CNTN5: variants seen among roughly 807,000 people sequenced by gnomAD.
CNTN5 encodes the protein contactin 5.
A neutral mutation model predicts 129.1 loss-of-function variants in CNTN5; 77 were observed. The observed-to-expected ratio is 0.60, with a 90% CI of 0.50 to 0.72. The LOEUF (loss-of-function observed/expected upper bound fraction) is 0.72. Among genes scored for constraint, CNTN5 ranks in the 30% least tolerant of loss-of-function variants. The pLI, the probability that CNTN5 is intolerant of heterozygous loss-of-function variation, is 0.00. For missense variants in CNTN5, 1,478 were observed against 1,328.8 expected, an observed-to-expected ratio of 1.11 and a Z score of -1.75; for synonymous variants, 509 against 465.6, an observed-to-expected ratio of 1.09 and a Z score of -1.20.
intron 2 of CNTN5, among the ~76,000 whole-genome samples, chr11:99,392,798 G>GA (rs893515528): frequency 6.6e-6 from 1 of 151,788 alleles, no homozygotes; most frequent in Non-Finnish European, 1.5e-5. Flanking sequence ...AAATAGTAAA[G>GA]AAAGAATAAA....
intron 2 of CNTN5, among the ~76,000 whole-genome samples, chr11:99,532,168 C>T (rs1448685732): frequency 1.3e-5 from 2 of 152,166 alleles, no homozygotes; most frequent in African/African-American, 2.4e-5. Context: ...CAATACACCT[C>T]TTGCATCAGC....
intron 18 of CNTN5, among the ~76,000 whole-genome samples, chr11:100,286,981 T>G (rs1486523032): frequency 1.3e-5 from 2 of 152,064 alleles, no homozygotes; most frequent in Non-Finnish European, 2.9e-5. Context: ...GGAGCCGATG[T>G]GATCAACTGG....
chr11:99,124,569 G>C (rs1858523138), intron 1 of CNTN5, among the ~76,000 whole-genome samples: 1 of 151,890 alleles, frequency 6.6e-6, no homozygotes, highest in African/African-American at 2.4e-5. Flanking sequence ...AGAGAAATAA[G>C]GGCAAACCAA....
At chr11:99,446,127 A>C (rs942601011) in intron 2 of CNTN5, among the ~76,000 whole-genome samples, 1 of 150,070 alleles carries the variant, frequency 6.7e-6, no homozygotes, top group African/African-American at 2.4e-5. Context: ...GGATTTGTAG[A>C]ATCCTCATCC....
intron 21 of CNTN5, among the ~76,000 whole-genome samples, chr11:100,314,311 A>G (rs1334673610): frequency 6.6e-6 from 1 of 152,158 alleles, no homozygotes; most frequent in Non-Finnish European, 1.5e-5. Flanking sequence ...ATAATTAGCC[A>G]CTGCAGAAAA....
intron 13 of CNTN5, among the ~76,000 whole-genome samples, chr11:100,170,899 A>AC (rs915998183): frequency 1.8e-4 from 28 of 151,680 alleles, no homozygotes; most frequent in Admixed American, 1.4e-3. Flanking sequence ...AAAAACAAAA[A>AC]AAAAACTTTT....
At position 100,319,176 on chromosome 11, in the gene CNTN5, G is replaced by A. The variant is rs142552692; in HGVS notation, c.2730+10708G>A. ...TTCTTTTTTTTTTTTTTTTTGAGAT[G>A]GAGTCTCGCTCTATTGCCCAGGCTG... On this transcript the variant is annotated intron_variant, in intron 21 of 24. Transcript: ENST00000524871. 1.1e-3 allele frequency among the ~76,000 whole-genome samples: 148 copies of A among 138,198 alleles called. 1 individual carries two copies. The East Asian group carries it at 0.027, about 25-fold the overall frequency. 90.7% of individuals were successfully genotyped at this position (138,198 alleles called of 152,430 possible). A position where few individuals can be genotyped will look rare whatever the true frequency, so the allele number is the denominator to read the frequency against.
intron 2 of CNTN5, among the ~76,000 whole-genome samples, chr11:99,541,769 T>G (rs905734557): frequency 2.0e-5 from 3 of 151,624 alleles, no homozygotes; most frequent in African/African-American, 7.3e-5. Flanking sequence ...GGCGACAAAG[T>G]GAAATCTCGT....
At chr11:99,445,954 G>A (rs1287403523) in intron 2 of CNTN5, among the ~76,000 whole-genome samples, 1 of 151,834 alleles carries the variant, frequency 6.6e-6, no homozygotes, top group Admixed American at 6.6e-5. Flanking sequence ...CGTGGTGGCA[G>A]GCTCCTGTAA....
chr11:99,085,987 A>G (rs561617680), intron 1 of CNTN5, among the ~76,000 whole-genome samples: 150 of 152,370 alleles, frequency 9.8e-4, no homozygotes, highest in African/African-American at 3.2e-3. Flanking sequence ...TTTATAGCCT[A>G]GGAGCAATAG....
intron 3 of CNTN5, among the ~76,000 whole-genome samples, chr11:99,612,612 G>A (rs1296983229): frequency 6.6e-6 from 1 of 152,168 alleles, no homozygotes; most frequent in Middle Eastern, 3.4e-3. Context: ...AACAACGTAG[G>A]AGCCTGAGCT....
intron 6 of CNTN5, among the ~76,000 whole-genome samples, chr11:99,870,271 G>A (rs1222396110): frequency 1.3e-5 from 2 of 152,074 alleles, no homozygotes; most frequent in African/African-American, 2.4e-5. Context: ...TCCTGTGACA[G>A]TGTGAAAGTA....
intron 15 of CNTN5, among the ~76,000 whole-genome samples, chr11:100,216,663 A>G (rs929054269): frequency 6.6e-6 from 1 of 152,088 alleles, no homozygotes; most frequent in African/African-American, 2.4e-5. Context: ...TGATACTGAC[A>G]TTTCATAGAG....
intron 8 of CNTN5, among the ~76,000 whole-genome samples, chr11:99,961,197 T>C (rs1443303135): frequency 4.2e-5 from 4 of 96,022 alleles, no homozygotes; most frequent in African/African-American, 1.3e-4. Flanking sequence ...AGAGTGAGAC[T>C]CCGTCTCAGA....
intron 2 of CNTN5, among the ~76,000 whole-genome samples, chr11:99,404,795 C>T (rs1941998807): frequency 6.6e-6 from 1 of 152,090 alleles, no homozygotes; most frequent in Non-Finnish European, 1.5e-5. Context: ...TTTTGAGATA[C>T]TTACTATTAC....
intron 18 of CNTN5, among the ~76,000 whole-genome samples, chr11:100,286,383 T>A (rs1372321630): frequency 6.6e-6 from 1 of 151,506 alleles, no homozygotes; most frequent in African/African-American, 2.4e-5. Flanking sequence ...AGAGCAGTGG[T>A]TCTCCCAGCA....
At chr11:100,290,823 C>G (rs1381452438) in intron 18 of CNTN5, among the ~76,000 whole-genome samples, 1 of 150,090 alleles carries the variant, frequency 6.7e-6, no homozygotes, top group Non-Finnish European at 1.5e-5. Context: ...AACAAGCAAC[C>G]TACAAAATGG....
At chr11:99,341,423 T>G (rs1480867783) in intron 2 of CNTN5, among the ~76,000 whole-genome samples, 5 of 152,192 alleles carry the variant, frequency 3.3e-5, no homozygotes. Context: ...GCATTAAAAC[T>G]TAGAGGTAGT....
At chr11:100,263,409 A>C (rs1950243586) in intron 17 of CNTN5, among the ~76,000 whole-genome samples, 2 of 151,746 alleles carry the variant, frequency 1.3e-5, no homozygotes, top group Admixed American at 1.3e-4. Context: ...TAATATCAGA[A>C]GGAGAAAATT....
Sources: allele counts gnomAD v4.1 joint callset (sites outside exome capture counted in the v4.1 genomes callset), GRCh38; gene constraint gnomAD v4.1.1; transcripts MANE v1.5; gene names NCBI Gene and HGNC (gene_info 2026-07-23, HGNC 2026-07-21).